PLCB1: variants seen among roughly 807,000 people sequenced by gnomAD.
PLCB1 encodes the protein 1-phosphatidylinositol 4,5-bisphosphate phosphodiesterase beta-1.
In PLCB1, 46 loss-of-function variants were observed where a neutral mutation model predicts 161.8. That is an observed-to-expected ratio of 0.28 (90% CI 0.22 to 0.36). PLCB1 has a LOEUF of 0.36. Among genes scored for constraint, PLCB1 ranks in the 10% least tolerant of loss-of-function variants. PLCB1 has a pLI of 1.00. For synonymous variants in PLCB1, 517 were observed against 503.7 expected (o/e 1.03, Z -0.35); for missense variants, 1,016 against 1,472.5 (o/e 0.69, Z 5.07).
chr20:8,855,518 A>G (rs1390754973), intron 31 of PLCB1, among the ~76,000 whole-genome samples: 2 of 152,206 alleles, frequency 1.3e-5, no homozygotes, highest in African/African-American at 4.8e-5. Context: ...CACACAAAAA[A>G]ACAAAAATCT....
intron 2 of PLCB1, among the ~76,000 whole-genome samples, chr20:8,352,567 C>T (rs1293587225): frequency 6.6e-6 from 1 of 151,292 alleles, no homozygotes; most frequent in African/African-American, 2.4e-5. Context: ...CAAGAGAATC[C>T]CAGGATGGAA....
chr20:8,860,023 A>T (rs4813874), intron 31 of PLCB1, among the ~76,000 whole-genome samples: 43,058 of 151,992 alleles, frequency 0.28, 7,387 homozygotes, highest in East Asian at 0.65. Context: ...GATTATTATA[A>T]GTAATTGGAG....
At chr20:8,761,874 G>A (rs1220577387) in intron 25 of PLCB1, among the ~76,000 whole-genome samples, 1 of 151,008 alleles carries the variant, frequency 6.6e-6, no homozygotes, top group African/African-American at 2.4e-5. Flanking sequence ...GATTACAGGC[G>A]TGAGCCACTG....
chr20:8,733,989 G>A (rs142309909), intron 19 of PLCB1, among the ~76,000 whole-genome samples: 5,173 of 148,740 alleles, frequency 0.035, 250 homozygotes, highest in African/African-American at 0.11. Flanking sequence ...TTAGCCGGGC[G>A]TGGTGGCGGG....
rs769765757 is a variant in PLCB1, at chr20:8,765,122, A to C, written c.2711-17A>C. 2.5e-6 allele frequency: 4 copies of C among 1,601,076 alleles called. No homozygotes were observed. In the Admixed American group the frequency reaches 6.8e-5, roughly 27 times the overall value. On this transcript the variant is annotated splice_polypyrimidine_tract_variant and intron_variant, in intron 25 of 31. Coordinates refer to ENST00000338037, the MANE Select transcript of PLCB1 (RefSeq NM_015192.4). The stretch of plus-strand genomic sequence containing the variant: ...CAGCCCTCCCATTCCCTTAGCTTTC[A>C]TATTCATTTGTTGCAGAAGTGGAAG...
intron 3 of PLCB1, among the ~76,000 whole-genome samples, chr20:8,374,013 T>C (rs1269386802): frequency 6.6e-6 from 1 of 152,198 alleles, no homozygotes; most frequent in African/African-American, 2.4e-5. Context: ...TCAGTTAATG[T>C]CACCAAGGAC....
intron 15 of PLCB1, 119 bp downstream of exon 15, chr20:8,722,540 C>G: frequency 1.8e-6 from 1 of 571,120 alleles, no homozygotes; most frequent in Non-Finnish European, 3.0e-6. Flanking sequence ...CTTCCAATTG[C>G]CAGCTTCAAT....
At position 8,370,990 on chromosome 20, in the gene PLCB1, G is replaced by A. The variant is rs771431186; in HGVS notation, c.178-392G>A. ...AGCTGGGTATGTATGTGAGCCGATGGGAGCATCCCACTCCGTCCTCCTCCC... is the reference window on the plus strand; with the variant it reads ...AGCTGGGTATGTATGTGAGCCGATGAGAGCATCCCACTCCGTCCTCCTCCC... On this transcript the variant is annotated intron_variant, in intron 2 of 31. Coordinates refer to ENST00000338037, the MANE Select transcript of PLCB1 (RefSeq NM_015192.4). 64 of 167,960 alleles carry A rather than the reference G, an allele frequency of 3.8e-4. No individual in the cohort carries two copies. In the Middle Eastern group the frequency reaches 8.8e-3, roughly 23 times the overall value. 10.4% of individuals were successfully genotyped at this position (167,960 alleles called of 1,614,324 possible). A position where few individuals can be genotyped will look rare whatever the true frequency, so the allele number is the denominator to read the frequency against.
chr20:8,187,795 T>C (rs147166808), intron 2 of PLCB1, among the ~76,000 whole-genome samples: 87 of 152,180 alleles, frequency 5.7e-4, no homozygotes, highest in African/African-American at 2.0e-3. Flanking sequence ...ACAGAAAGCA[T>C]GAAAAGTAGA....
intron 3 of PLCB1, among the ~76,000 whole-genome samples, chr20:8,530,814 G>A (rs924876325): frequency 3.9e-5 from 6 of 152,168 alleles, no homozygotes; most frequent in African/African-American, 1.4e-4. Context: ...TATATAAAGT[G>A]TGAAACTAAG....
chr20:8,723,691 T>C (rs560289231), intron 15 of PLCB1, among the ~76,000 whole-genome samples: 1 of 152,124 alleles, frequency 6.6e-6, no homozygotes, highest in Non-Finnish European at 1.5e-5. Flanking sequence ...ATTTTACAAA[T>C]GAGTCAAGTG....
chr20:8,588,549 T>G (rs1449740348), intron 3 of PLCB1, among the ~76,000 whole-genome samples: 1 of 152,098 alleles, frequency 6.6e-6, no homozygotes, highest in African/African-American at 2.4e-5. Context: ...CCAATGAGAC[T>G]GGTGTCCTTA....
chr20:8,710,945 C>T (rs887264429), intron 12 of PLCB1, among the ~76,000 whole-genome samples: 1 of 152,150 alleles, frequency 6.6e-6, no homozygotes, highest in East Asian at 1.9e-4. Context: ...TAATAGCTAA[C>T]CTTTATTAAT....
At position 8,311,427 on chromosome 20, in the gene PLCB1, C is replaced by A. The variant is rs369398986; in HGVS notation, c.178-59955C>A. On this transcript the variant is annotated intron_variant, in intron 2 of 31. Transcript: ENST00000338037. ...AAGATATCTGCTTCCTGAAGCTCTG[C>A]ATTCATTTATAGTTTTATGTGGTCA... 4.6e-5 allele frequency among the ~76,000 whole-genome samples: 7 copies of A among 152,292 alleles called. No individual in the cohort carries two copies. In the East Asian group the frequency reaches 9.7e-4, roughly 21 times the overall value.
intron 2 of PLCB1, among the ~76,000 whole-genome samples, chr20:8,285,429 T>C (rs1035144930): frequency 3.3e-5 from 5 of 152,062 alleles, no homozygotes; most frequent in Admixed American, 3.3e-4. Flanking sequence ...GAAATAATGG[T>C]GGCTAGATTC....
At chr20:8,446,146 GC>G (rs1980814974) in intron 3 of PLCB1, among the ~76,000 whole-genome samples, 1 of 152,162 alleles carries the variant, frequency 6.6e-6, no homozygotes, top group Non-Finnish European at 1.5e-5. Context: ...GAACATCGAT[GC>G]AAAAATCCTC....
At chr20:8,499,591 A>G (rs6118213) in intron 3 of PLCB1, among the ~76,000 whole-genome samples, 3,053 of 152,284 alleles carry the variant, frequency 0.02, 127 homozygotes, top group African/African-American at 0.07. Flanking sequence ...TTAAATTTAT[A>G]TAAGCTTGTT....
At chr20:8,236,606 A>T (rs941975512) in intron 2 of PLCB1, among the ~76,000 whole-genome samples, 1 of 152,110 alleles carries the variant, frequency 6.6e-6, no homozygotes, top group Non-Finnish European at 1.5e-5. Context: ...ATTCAATGAG[A>T]GGCAGAAACT....
At chr20:8,566,798 TAA>T (rs1188122545) in intron 3 of PLCB1, among the ~76,000 whole-genome samples, 2 of 148,564 alleles carry the variant, frequency 1.3e-5, no homozygotes, top group African/African-American at 4.9e-5. Context: ...CTTGAGATTA[TAA>T]ATCACTTCTT....
Sources: gnomAD v4.1 joint callset for allele counts (sites outside exome capture counted in the v4.1 genomes callset) on GRCh38, gnomAD v4.1.1 for gene constraint, MANE v1.5 for transcripts, NCBI Gene and HGNC (gene_info 2026-07-23, HGNC 2026-07-21) for gene names.